The following ZNF624 variants were observed in gnomAD, a reference collection of about 807,000 sequenced individuals.
ZNF624 encodes the protein zinc finger protein 624.
In ZNF624, 43 loss-of-function variants were observed where a neutral mutation model predicts 74.7. The observed-to-expected ratio is 0.58, with a 90% CI of 0.45 to 0.74. ZNF624 has a LOEUF of 0.74. Ranked by LOEUF, ZNF624 falls within the 30% of genes least tolerant of loss-of-function variation. ZNF624 has a pLI of 0.00. For missense variants in ZNF624, 820 were observed against 1,030.0 expected (o/e 0.80, Z 2.79); for synonymous variants, 331 against 341.3 (o/e 0.97, Z 0.33).
rs1005046145 is a variant in ZNF624 at position 16,621,782 on chromosome 17, G to T, written c.*506C>A. The T allele has an allele frequency of 2.0e-5, 3 of 152,392 alleles. No individual in the cohort carries two copies. The highest frequency in any genetic ancestry group is 4.4e-5 in the Non-Finnish European group (3 of 68,270). 9.4% of individuals were successfully genotyped at this position (152,392 alleles called of 1,614,324 possible). ...CATTTAGGATACTACGTATAACCTA[G>T]GGATTAAGGAGATCTCTTTTAAGTA... On this transcript the variant is annotated 3_prime_UTR_variant, in exon 6 of 6. Transcript: ENST00000311331.
At chr17:16,636,559 G>A (rs1411835898) in intron 3 of ZNF624, among the ~76,000 whole-genome samples, 4 of 152,146 alleles carry the variant, frequency 2.6e-5, no homozygotes, top group Admixed American at 6.5e-5. Context: ...TCTCAGGGCC[G>A]GGCGCCGTGG....
At chr17:16,648,189 C>A (rs1909639087) in intron 2 of ZNF624, among the ~76,000 whole-genome samples, 1 of 151,964 alleles carries the variant, frequency 6.6e-6, no homozygotes, top group Non-Finnish European at 1.5e-5. Flanking sequence ...GATAATCTGC[C>A]CACCTCAGCC....
chr17:16,622,083 T>C lies in ZNF624; in HGVS notation c.*205A>G. The C allele has an allele frequency of 2.6e-6, 1 of 386,998 alleles. No individual in the cohort carries two copies. The highest frequency in any genetic ancestry group is 4.5e-6 in the Non-Finnish European group (1 of 220,168). 24.0% of individuals were successfully genotyped at this position (386,998 alleles called of 1,614,324 possible). A position where few individuals can be genotyped will look rare whatever the true frequency, so the allele number is the denominator to read the frequency against. Reference sequence around the variant, plus strand: ...AAGTATGAAATCTGGATGAACACTTTCATTTGTTCATTATTTTCCTCTAGT... The same window carrying C: ...AAGTATGAAATCTGGATGAACACTTCCATTTGTTCATTATTTTCCTCTAGT... On this transcript the variant is annotated 3_prime_UTR_variant, in exon 6 of 6. Coordinates refer to ENST00000311331, the MANE Select transcript of ZNF624 (RefSeq NM_020787.4).
At chr17:16,624,761 A>C in intron 5 of ZNF624, 2 of 318,126 alleles carry the variant, frequency 6.3e-6, no homozygotes, top group Non-Finnish European at 1.1e-5. Flanking sequence ...TCATGCCTAT[A>C]ATCTCAGCAC....
rs1908904382 is a variant in ZNF624 at position 16,621,243 on chromosome 17, C to T, written c.*1045G>A. On this transcript the variant is annotated 3_prime_UTR_variant, in exon 6 of 6. Transcript: ENST00000311331. ...TAAGTCGTTTTTAAAATTACTCTCA[C>T]ACTGTTCCATAATATGGGTATGTCA... is the stretch of plus-strand genomic sequence containing the variant. 1 of 152,206 alleles carries T rather than the reference C, an allele frequency of 6.6e-6. No homozygotes were observed. The highest frequency in any genetic ancestry group is 2.4e-5 in the African/African-American group (1 of 41,466). The allele number at this position is 152,206 out of a possible 1,614,324, so 9.4% of individuals were successfully genotyped here.
At position 16,624,353 on chromosome 17, in the gene ZNF624, A is replaced by C; in HGVS notation, c.533T>G (p.Leu178Ter). 6.2e-7 allele frequency: 1 copy of C among 1,613,780 alleles called. No homozygotes were observed. The highest frequency in any genetic ancestry group is 8.5e-7 in the Non-Finnish European group (1 of 1,179,934). ...CAAATGATTCTCCTGATTATTTTGT[A>C]ATCTCAATATCCTATCATTCCATTT... ...LWKWNDRILR[L>*]QNNQENHLSQ... Residue 178 changes from leucine (L) to a stop codon, truncating the protein, a stop_gained, in exon 6 of 6, where the codon TTA becomes TGA. Coordinates refer to ENST00000311331, the MANE Select transcript of ZNF624 (RefSeq NM_020787.4). LOFTEE classifies it high-confidence loss of function.
downstream of ZNF624, chr17:16,617,993 A>G (rs1430483683): frequency 1.1e-5 from 7 of 644,312 alleles, no homozygotes; most frequent in Non-Finnish European, 1.6e-5. Context: ...CTCACACCAT[A>G]GTGGCGGCCG....
intron 3 of ZNF624, among the ~76,000 whole-genome samples, chr17:16,638,929 A>C (rs192312848): frequency 2.2e-3 from 334 of 152,340 alleles, no homozygotes; most frequent in Admixed American, 3.9e-3. Context: ...TTCTGTGAGT[A>C]TAATGCTTAT....
chr17:16,646,557 A>C (rs547206421), intron 3 of ZNF624, among the ~76,000 whole-genome samples: 2 of 152,346 alleles, frequency 1.3e-5, no homozygotes, highest in Admixed American at 6.5e-5. Context: ...AAGGAGATGC[A>C]AGAAACCGAT....
intron 1 of ZNF624, among the ~76,000 whole-genome samples, chr17:16,651,077 T>C (rs1744917851): frequency 6.6e-6 from 1 of 152,170 alleles, no homozygotes; most frequent in Non-Finnish European, 1.5e-5. Context: ...ACATATACTG[T>C]CAGATTAATG....
chr17:16,644,634 T>G (rs1388779427), intron 3 of ZNF624, among the ~76,000 whole-genome samples: 1 of 152,238 alleles, frequency 6.6e-6, no homozygotes, highest in East Asian at 1.9e-4. Flanking sequence ...TGTAAAAGTT[T>G]CTTTTTGATA....
chr17:16,637,964 C>T (rs1909373928), intron 3 of ZNF624, among the ~76,000 whole-genome samples: 1 of 152,076 alleles, frequency 6.6e-6, no homozygotes, highest in South Asian at 2.1e-4. Flanking sequence ...TTGCAACCTA[C>T]TCATCTGACA....
downstream of ZNF624, among the ~76,000 whole-genome samples, chr17:16,619,887 C>CA (rs1908866181): frequency 6.6e-6 from 1 of 152,226 alleles, no homozygotes; most frequent in Non-Finnish European, 1.5e-5. Flanking sequence ...CATGCGATGT[C>CA]AACTCTGTGA....
rs772182449 is a variant in ZNF624, at chr17:16,633,849, C to G, written c.376+13G>C. ...TCAAATAAATCCCATCTTCTTGGTT[C>G]TGTTTAACTCACCAGGATAGGGAAT... On this transcript the variant is annotated intron_variant, in intron 5 of 5. Transcript: ENST00000311331. 1.5e-5 allele frequency: 24 copies of G among 1,595,956 alleles called. No homozygotes were observed. The Admixed American group carries it at 3.2e-4, about 21-fold the overall frequency.
At chr17:16,633,102 C>T (rs574006972) in intron 5 of ZNF624, among the ~76,000 whole-genome samples, 86 of 152,340 alleles carry the variant, frequency 5.6e-4, no homozygotes, top group Non-Finnish European at 8.1e-4. Context: ...GTCCTCATCC[C>T]ACCCCAGTTA....
At chr17:16,636,898 C>A (rs1032007105) in intron 3 of ZNF624, among the ~76,000 whole-genome samples, 1 of 152,024 alleles carries the variant, frequency 6.6e-6, no homozygotes, top group Admixed American at 6.6e-5. Context: ...TGAGAGAGGG[C>A]ATCCCTGTCT....
Position 16,624,369 on chromosome 17 carries a change from CATT to C in ZNF624, c.514_516del (p.Asn172del). On this transcript the variant is annotated inframe_deletion, in exon 6 of 6. Coordinates refer to ENST00000311331, the MANE Select transcript of ZNF624 (RefSeq NM_020787.4). ...TTATTTTGTAATCTCAATATCCTAT[CATT>C]CCATTTCCATAACCCTTCCATTCTG... The C allele has an allele frequency of 1.2e-6, 2 of 1,614,000 alleles. No homozygotes were observed. The highest frequency in any genetic ancestry group is 1.7e-6 in the Non-Finnish European group (2 of 1,180,000).
intron 3 of ZNF624, among the ~76,000 whole-genome samples, chr17:16,640,834 G>C (rs1233120814): frequency 1.3e-5 from 2 of 152,052 alleles, no homozygotes; most frequent in African/African-American, 4.8e-5. Context: ...CCAAAAAATG[G>C]AAGGGAAAAA....
intron 1 of ZNF624, among the ~76,000 whole-genome samples, chr17:16,652,640 T>C (rs1909753527): frequency 6.6e-6 from 1 of 152,206 alleles, no homozygotes. Context: ...GCAAATGTAA[T>C]GCATAGAAAA....
Sources: gnomAD v4.1 joint callset for allele counts (sites outside exome capture counted in the v4.1 genomes callset) on GRCh38, gnomAD v4.1.1 for gene constraint, MANE v1.5 for transcripts, NCBI Gene and HGNC (gene_info 2026-07-23, HGNC 2026-07-21) for gene names.